Variants in HOXC8 observed in about 807,000 individuals in gnomAD.
HOXC8 encodes homeobox protein Hox-C8.
Under a neutral mutation model 25.8 loss-of-function variants are expected in HOXC8, and 14 were observed. The ratio of observed to expected loss-of-function variants is 0.54; its 90% CI spans 0.36 to 0.85. The LOEUF is 0.85. Among genes scored for constraint, HOXC8 ranks in the 40% least tolerant of loss-of-function variants. The probability of loss-of-function intolerance (pLI) is 0.01; values close to 1 mark genes in which losing one functional copy is unlikely to be tolerated. For synonymous variants in HOXC8, 144 were observed against 124.6 expected, an observed-to-expected ratio of 1.16 and a Z score of -1.04; for missense variants, 316 against 308.8, an observed-to-expected ratio of 1.02 and a Z score of -0.17.
Position 54,009,550 on chromosome 12 carries a change from A to G in HOXC8, c.266A>G (p.Tyr89Cys), listed in dbSNP as rs537967042. 5.8e-5 allele frequency: 93 copies of G among 1,614,100 alleles called. No homozygotes were observed. Among genetic ancestry groups the G allele is most frequent in the Admixed American group, 3.0e-4 (18 of 60,026 alleles). Residue 89 changes from tyrosine (Y) to cysteine (C), a missense_variant, in exon 1 of 2, where the codon TAT becomes TGT. Physicochemically the swap from Tyr to Cys is radical, Grantham distance 194. Transcript: ENST00000040584. This position sits in a 1 kb window ranked among gnomAD's most constrained non-coding sequence, Gnocchi z 5.0. ...TGCCACGGAGACGCCTCCAAATTCTATGGCTACGAGGCGCTCCCCAGACAG... is the reference window on the plus strand; with the variant it reads ...TGCCACGGAGACGCCTCCAAATTCTGTGGCTACGAGGCGCTCCCCAGACAG... ...LSCHGDASKFYGYEALPRQSL... is the reference protein window; with the variant it reads ...LSCHGDASKFCGYEALPRQSL...
chr12:54,010,549 C>T (rs752512855), intron 1 of HOXC8, among the ~76,000 whole-genome samples: 12 of 152,162 alleles, frequency 7.9e-5, no homozygotes, highest in Non-Finnish European at 1.6e-4. Flanking sequence ...CGACAAGTTC[C>T]GGCGGGGATG....
rs1433277890 is a variant in HOXC8 at position 54,009,824 on chromosome 12, G to A, written c.436+104G>A. On this transcript the variant is annotated intron_variant, in intron 1 of 1. Coordinates refer to ENST00000040584, the MANE Select transcript of HOXC8 (RefSeq NM_022658.4). The surrounding 1 kb of genome is among the most constrained non-coding windows in gnomAD (Gnocchi z 5.0). ...CCCTCGCTTTTTCTCCTGGCTTTGGGGTCTCTCCCGCCCCACCCCCGTGCC... is the reference window on the plus strand; with the variant it reads ...CCCTCGCTTTTTCTCCTGGCTTTGGAGTCTCTCCCGCCCCACCCCCGTGCC... The A allele has an allele frequency of 9.8e-7, 1 of 1,019,884 alleles. No homozygotes were observed. The highest frequency in any genetic ancestry group is 1.5e-6 in the Non-Finnish European group (1 of 677,186). The allele number at this position is 1,019,884 out of a possible 1,614,324, so 63.2% of individuals were successfully genotyped here. A position where few individuals can be genotyped will look rare whatever the true frequency, so the allele number is the denominator to read the frequency against.
chr12:54,009,635 C>G lies in HOXC8; in HGVS notation c.351C>G (p.Ser117=). Reference sequence around the variant, plus strand: ...TGCAATATCCCGACTGTAAATCCTCCGCCAACACTAACAGTAGCGAAGGAC... The same window carrying G: ...TGCAATATCCCGACTGTAAATCCTCGGCCAACACTAACAGTAGCGAAGGAC... ...SVVQYPDCKS[S]ANTNSSEGQG... is the part of the protein sequence containing the mutation. The change falls in exon 1 of 2, where the codon TCC becomes TCG. Residue 117 remains serine (S), a synonymous_variant. Coordinates refer to ENST00000040584, the MANE Select transcript of HOXC8 (RefSeq NM_022658.4). This position sits in a 1 kb window ranked among gnomAD's most constrained non-coding sequence, Gnocchi z 5.0. 6.2e-7 allele frequency: 1 copy of G among 1,614,222 alleles called. No homozygotes were observed. Among genetic ancestry groups the G allele is most frequent in the Non-Finnish European group, 8.5e-7 (1 of 1,180,050 alleles).
Position 54,009,863 on chromosome 12 carries a change from T to C in HOXC8, c.436+143T>C, listed in dbSNP as rs1486023530. 1 of 739,298 alleles carries C rather than the reference T, an allele frequency of 1.4e-6. No individual in the cohort carries two copies. Among genetic ancestry groups the C allele is most frequent in the Non-Finnish European group, 2.2e-6 (1 of 452,994 alleles). 45.8% of individuals were successfully genotyped at this position (739,298 alleles called of 1,614,324 possible). A position where few individuals can be genotyped will look rare whatever the true frequency, so the allele number is the denominator to read the frequency against. ...CACCCCCGTGCCTGTGCCTGGGTGG[T>C]TTTCTCGAAGTTGGGAAGGCTCCGC... is the stretch of plus-strand genomic sequence containing the variant. On this transcript the variant is annotated intron_variant, in intron 1 of 1. Coordinates refer to ENST00000040584, the MANE Select transcript of HOXC8 (RefSeq NM_022658.4). This position sits in a 1 kb window ranked among gnomAD's most constrained non-coding sequence, Gnocchi z 5.0.
At chr12:54,010,093 A>C (rs973977666) in intron 1 of HOXC8, among the ~76,000 whole-genome samples, 1 of 152,202 alleles carries the variant, frequency 6.6e-6, no homozygotes, top group African/African-American at 2.4e-5. Flanking sequence ...TGAGACTGTC[A>C]GCCTTTGGAA....
rs370624442 is a variant in HOXC8, at chr12:54,011,428, C to T, written c.*47C>T. 2.3e-5 allele frequency: 26 copies of T among 1,136,894 alleles called. No homozygotes were observed. The highest frequency in any genetic ancestry group is 5.1e-5 in the South Asian group (3 of 58,254). The allele number at this position is 1,136,894 out of a possible 1,614,324, so 70.4% of individuals were successfully genotyped here. A position where few individuals can be genotyped will look rare whatever the true frequency, so the allele number is the denominator to read the frequency against. On this transcript the variant is annotated 3_prime_UTR_variant, in exon 2 of 2. Transcript: ENST00000040584. Reference sequence around the variant, plus strand: ...CCCCTTAGCAACTCCCTTGAAGTTTCGTTTTATGGTAGCAGATAAATTGAG... The same window carrying T: ...CCCCTTAGCAACTCCCTTGAAGTTTTGTTTTATGGTAGCAGATAAATTGAG...
At position 54,011,358 on chromosome 12, in the gene HOXC8, G is replaced by T; in HGVS notation, c.706G>T (p.Glu236Ter). The T allele has an allele frequency of 7.1e-7, 1 of 1,415,160 alleles. No homozygotes were observed. 87.7% of individuals were successfully genotyped at this position (1,415,160 alleles called of 1,614,324 possible). A position where few individuals can be genotyped will look rare whatever the true frequency, so the allele number is the denominator to read the frequency against. ...GNEEEEKEEE[E>*]KEENKD is the part of the protein sequence containing the mutation. ...TGAGGAAGAGGAGAAAGAAGAGGAG[G>T]AAAAGGAAGAAAACAAGGACTAAGC... The change falls in exon 2 of 2, where the codon GAA becomes TAA. Residue 236 changes from glutamate to a stop codon, truncating the protein, a stop_gained. Coordinates refer to ENST00000040584, the MANE Select transcript of HOXC8 (RefSeq NM_022658.4). LOFTEE classifies it high-confidence loss of function.
chr12:54,010,958 T>C, intron 1 of HOXC8, 131 bp from the exon 2 acceptor site: 2 of 387,174 alleles, frequency 5.2e-6, no homozygotes, highest in Non-Finnish European at 9.2e-6. Context: ...GTCTGCCTTC[T>C]GCTCTAGCCT....
Position 54,009,469 on chromosome 12 carries a change from A to T in HOXC8, c.185A>T (p.His62Leu). 1.2e-6 allele frequency: 2 copies of T among 1,613,948 alleles called. No individual in the cohort carries two copies. The highest frequency in any genetic ancestry group is 1.7e-6 in the Non-Finnish European group (2 of 1,179,998). Residue 62 changes from histidine (H) to leucine (L), a missense_variant, in exon 1 of 2, where the codon CAC (histidine) becomes CTC (leucine). Coordinates refer to ENST00000040584, the MANE Select transcript of HOXC8 (RefSeq NM_022658.4). This position sits in a 1 kb window ranked among gnomAD's most constrained non-coding sequence, Gnocchi z 5.0. ...CACCACGTTCAAGACTTCTTCCACC[A>T]CGGCACCTCCGGCATCTCCAACTCA... ...ASHHVQDFFH[H>L]GTSGISNSGY... is the part of the protein sequence containing the mutation.
At position 54,012,340 on chromosome 12, in the gene HOXC8, C is replaced by CAAA. The variant is rs11444199; in HGVS notation, c.*971_*973dup. 6.4e-4 allele frequency: 83 copies of CAAA among 129,530 alleles called. No individual in the cohort carries two copies. Among genetic ancestry groups the CAAA allele is most frequent in the African/African-American group, 2.2e-3 (78 of 35,662 alleles). The allele number at this position is 129,530 out of a possible 1,614,324, so 8.0% of individuals were successfully genotyped here. A position where few individuals can be genotyped will look rare whatever the true frequency, so the allele number is the denominator to read the frequency against. ...GAAAAAAAGAGAAAAAAATAAAAAT[C>CAAA]AAAAAAAAAAAAAAGAAAGAAAGAA... On this transcript the variant is annotated 3_prime_UTR_variant, in exon 2 of 2. Transcript: ENST00000040584.
At position 54,012,692 on chromosome 12, in the gene HOXC8, C is replaced by T. The variant is rs556167316; in HGVS notation, c.*1311C>T. Among the ~76,000 whole-genome samples the T allele has an allele frequency of 1.1e-4, 16 of 152,164 alleles. No homozygotes were observed. Among genetic ancestry groups the T allele is most frequent in the Admixed American group, 3.9e-4 (6 of 15,274 alleles). On this transcript the variant is annotated 3_prime_UTR_variant, in exon 2 of 2. Coordinates refer to ENST00000040584, the MANE Select transcript of HOXC8 (RefSeq NM_022658.4). ...AGCTATGAATGTAGATTTTGTGTCC[C>T]GACAGCCCTGTTCCTGGTCCAAGTA...
At position 54,011,111 on chromosome 12, in the gene HOXC8, G is replaced by A. The variant is rs183205906; in HGVS notation, c.459G>A (p.Arg153=). 3.4e-5 allele frequency: 55 copies of A among 1,614,036 alleles called. No individual in the cohort carries two copies. In the Middle Eastern group the frequency reaches 1.2e-3, roughly 34 times the overall value. Residue 153 remains arginine (R), a synonymous_variant, in exon 2 of 2, where the codon CGG becomes CGA. Coordinates refer to ENST00000040584, the MANE Select transcript of HOXC8 (RefSeq NM_022658.4). ...RPHAPGRRSG[R]QTYSRYQTLE... ...CAGCTCCGGGGAGGCGCAGTGGACG[G>A]CAAACTTACAGCCGGTATCAGACCT...
At position 54,008,992 on chromosome 12, in the gene HOXC8, A is replaced by G; in HGVS notation, c.-293A>G. The G allele has an allele frequency of 6.6e-6, 1 of 151,730 alleles. No homozygotes were observed. Among genetic ancestry groups the G allele is most frequent in the Non-Finnish European group, 1.5e-5 (1 of 68,260 alleles). The allele number at this position is 151,730 out of a possible 1,614,324, so 9.4% of individuals were successfully genotyped here. On this transcript the variant is annotated 5_prime_UTR_variant, in exon 1 of 2. Coordinates refer to ENST00000040584, the MANE Select transcript of HOXC8 (RefSeq NM_022658.4). ...CTGTTAGAGGAAAGAGCTAAGTGAG[A>G]GAGCGCGAGCTCTACCTACCGACAG... is the stretch of plus-strand genomic sequence containing the variant.
rs897929392 is a variant in HOXC8 at position 54,010,973 on chromosome 12, C to T, written c.437-116C>T. 6.8e-6 allele frequency: 4 copies of T among 590,382 alleles called. No homozygotes were observed. The Admixed American group carries it at 1.2e-4, about 18-fold the overall frequency. 36.6% of individuals were successfully genotyped at this position (590,382 alleles called of 1,614,324 possible). On this transcript the variant is annotated intron_variant, in intron 1 of 1. Coordinates refer to ENST00000040584, the MANE Select transcript of HOXC8 (RefSeq NM_022658.4). ...GTCTGCCTTCTGCTCTAGCCTTTTC[C>T]ATAGAGGGGAGGCGAACTGAGGAGA...
Position 54,011,401 on chromosome 12 carries a change from C to A in HOXC8, c.*20C>A. 2.8e-6 allele frequency: 4 copies of A among 1,447,022 alleles called. No homozygotes were observed. The highest frequency in any genetic ancestry group is 1.5e-5 in the South Asian group (1 of 65,402). 89.6% of individuals were successfully genotyped at this position (1,447,022 alleles called of 1,614,324 possible). ...GACTAAGCAAAAAAGAAAGACCCCC[C>A]CCCCCTTAGCAACTCCCTTGAAGTT... On this transcript the variant is annotated 3_prime_UTR_variant, in exon 2 of 2. Coordinates refer to ENST00000040584, the MANE Select transcript of HOXC8 (RefSeq NM_022658.4).
Position 54,009,349 on chromosome 12 carries a change from C to A in HOXC8, c.65C>A (p.Ala22Asp). The stretch of plus-strand genomic sequence containing the variant: ...AAAGCCGGCGAGTCCCTGGAACCGG[C>A]CTATTACGACTGCCGGTTCCCTCAG... ...KYKAGESLEP[A>D]YYDCRFPQSV... is the part of the protein sequence containing the mutation. The change falls in exon 1 of 2, where the codon GCC becomes GAC. Residue 22 changes from alanine (A) to aspartate (D), a missense_variant. By Grantham distance (126) the Ala-to-Asp change is moderately radical. Coordinates refer to ENST00000040584, the MANE Select transcript of HOXC8 (RefSeq NM_022658.4). This position sits in a 1 kb window ranked among gnomAD's most constrained non-coding sequence, Gnocchi z 5.0. The A allele has an allele frequency of 2.5e-6, 4 of 1,612,736 alleles. No homozygotes were observed. The highest frequency in any genetic ancestry group is 3.4e-6 in the Non-Finnish European group (4 of 1,178,970).
Position 54,009,268 on chromosome 12 carries a change from GT to G in HOXC8, c.-13del, listed in dbSNP as rs767031708. On this transcript the variant is annotated 5_prime_UTR_variant, in exon 1 of 2. Transcript: ENST00000040584. This position sits in a 1 kb window ranked among gnomAD's most constrained non-coding sequence, Gnocchi z 5.0. ...TGAGCCAGAGGGGAGGGGGCCGCGGGTTTTCATGTACCCAGCATGAGCTCCT... is the reference window on the plus strand; with the variant it reads ...TGAGCCAGAGGGGAGGGGGCCGCGGGTTTCATGTACCCAGCATGAGCTCCT... 2 of 1,555,202 alleles carry G rather than the reference GT, an allele frequency of 1.3e-6. No homozygotes were observed. Among genetic ancestry groups the G allele is most frequent in the East Asian group, 4.5e-5 (2 of 44,140 alleles).
chr12:54,009,766 GT>G lies in HOXC8; in HGVS notation c.436+49del, dbSNP rs774752388. The G allele has an allele frequency of 2.3e-5, 35 of 1,547,110 alleles. No individual in the cohort carries two copies. Among genetic ancestry groups the G allele is most frequent in the African/African-American group, 9.5e-5 (7 of 73,324 alleles). On this transcript the variant is annotated intron_variant, in intron 1 of 1. Coordinates refer to ENST00000040584, the MANE Select transcript of HOXC8 (RefSeq NM_022658.4). The surrounding 1 kb of genome is among the most constrained non-coding windows in gnomAD (Gnocchi z 5.0). The stretch of plus-strand genomic sequence containing the variant: ...CCCCCTTGGTCTCCCGCGCTCCAGG[GT>G]TTCCCCCCCTCCCTCGCCTCCTTTT...
In HOXC8 at chr12:54,011,588, G is replaced by A. The variant is rs371009456; in HGVS notation, c.*207G>A. On this transcript the variant is annotated 3_prime_UTR_variant, in exon 2 of 2. Coordinates refer to ENST00000040584, the MANE Select transcript of HOXC8 (RefSeq NM_022658.4). ...TCTTTATTTGTTTGGGGGCTGGAGG[G>A]GGGAGACGGAGAAACAGTGAAAAGT... 3.5e-6 allele frequency: 2 copies of A among 569,770 alleles called. No homozygotes were observed. Among genetic ancestry groups the A allele is most frequent in the Non-Finnish European group, 5.5e-6 (2 of 366,860 alleles). 35.3% of individuals were successfully genotyped at this position (569,770 alleles called of 1,614,324 possible). A position where few individuals can be genotyped will look rare whatever the true frequency, so the allele number is the denominator to read the frequency against.
Sources: gnomAD v4.1 joint callset for allele counts (sites outside exome capture counted in the v4.1 genomes callset) on GRCh38, gnomAD v4.1.1 for gene constraint, Gnocchi (gnomAD v3.1) non-coding constraint, MANE v1.5 for transcripts, NCBI Gene and HGNC (gene_info 2026-07-23, HGNC 2026-07-21) for gene names.